CDH19: variants seen among roughly 807,000 people sequenced by gnomAD.
The protein encoded by CDH19 is cadherin-19.
CDH19 carries 67 observed loss-of-function variants against 64.2 expected under a neutral mutation model. The observed-to-expected ratio is 1.04, with a 90% confidence interval of 0.86 to 1.28. The LOEUF (loss-of-function observed/expected upper bound fraction) is 1.28. Among genes scored for constraint, CDH19 ranks in the 50% most tolerant of loss-of-function variants. CDH19 has a pLI of 0.00. For synonymous variants in CDH19, 346 were observed against 319.3 expected (o/e 1.08, Z -0.89); for missense variants, 1,030 against 929.0 (o/e 1.11, Z -1.41).
At chr18:66,578,422 G>A (rs1052412044) in intron 1 of CDH19, among the ~76,000 whole-genome samples, 1 of 151,790 alleles carries the variant, frequency 6.6e-6, no homozygotes, top group Non-Finnish European at 1.5e-5. Context: ...AAACTACAAT[G>A]AGATACCAGT....
intron 9 of CDH19, among the ~76,000 whole-genome samples, chr18:66,520,239 A>G (rs919222063): frequency 1.3e-5 from 2 of 151,938 alleles, no homozygotes; most frequent in African/African-American, 4.8e-5. Flanking sequence ...GACAGTTCCA[A>G]TCGAAAGAGA....
intron 8 of CDH19, among the ~76,000 whole-genome samples, chr18:66,534,076 C>T (rs912009869): frequency 4.0e-5 from 6 of 151,122 alleles, no homozygotes; most frequent in Non-Finnish European, 7.4e-5. Context: ...AAGCTTGTTC[C>T]AACAAGTTTT....
At chr18:66,517,357 C>CA (rs1017681856) in intron 9 of CDH19, among the ~76,000 whole-genome samples, 12 of 149,058 alleles carry the variant, frequency 8.1e-5, no homozygotes, top group East Asian at 5.9e-4. Flanking sequence ...ACTTTACCTC[C>CA]AAAAAAAAAG....
At chr18:66,546,835 G>T (rs2144498443) in intron 5 of CDH19, among the ~76,000 whole-genome samples, 1 of 151,926 alleles carries the variant, frequency 6.6e-6, no homozygotes, top group East Asian at 1.9e-4. Flanking sequence ...GGAGTGTTCT[G>T]GGAAAAGAGA....
chr18:66,544,966 GT>G (rs1355205914), intron 5 of CDH19, 63 bp from the exon 6 acceptor site: 8 of 1,241,018 alleles, frequency 6.4e-6, no homozygotes, highest in Non-Finnish European at 8.8e-6. Flanking sequence ...TGCAATTATA[GT>G]TTTTTGTTTG....
intron 8 of CDH19, among the ~76,000 whole-genome samples, chr18:66,531,413 T>C (rs1298420127): frequency 6.6e-6 from 1 of 152,074 alleles, no homozygotes; most frequent in Non-Finnish European, 1.5e-5. Flanking sequence ...ACTCAGGAGT[T>C]TGAGAGCAGC....
intron 7 of CDH19, among the ~76,000 whole-genome samples, chr18:66,540,073 TTCTCTC>T (rs150057094): frequency 2.0e-5 from 3 of 149,608 alleles, no homozygotes; most frequent in South Asian, 2.1e-4. Context: ...AATTTTTGTC[TTCTCTC>T]TCTCTCTCTC....
intron 3 of CDH19, among the ~76,000 whole-genome samples, chr18:66,560,913 A>C (rs1231585760): frequency 6.6e-6 from 1 of 152,096 alleles, no homozygotes; most frequent in East Asian, 1.9e-4. Context: ...TTATACTGGA[A>C]ATAGGTATTT....
intron 1 of CDH19, among the ~76,000 whole-genome samples, chr18:66,575,453 T>C (rs1988238538): frequency 6.6e-6 from 1 of 151,854 alleles, no homozygotes; most frequent in African/African-American, 2.4e-5. Flanking sequence ...GACTGTGTCC[T>C]TGACTGCAAC....
Position 66,572,009 on chromosome 18 carries a change from C to T in CDH19, c.195+1G>A, listed in dbSNP as rs746989885. 2.2e-5 allele frequency: 36 copies of T among 1,600,336 alleles called. No individual in the cohort carries two copies. The highest frequency in any genetic ancestry group is 3.0e-5 in the Non-Finnish European group (35 of 1,170,258). ...CTGTAACATTTTAAATAAATAAGTA[C>T]CTGGCCGATGTGATGACTAGTCGTA... On this transcript the variant is annotated splice_donor_variant, in intron 2 of 11. Coordinates refer to ENST00000262150, the MANE Select transcript of CDH19 (RefSeq NM_021153.4). LOFTEE classifies it high-confidence loss of function.
intron 1 of CDH19, among the ~76,000 whole-genome samples, chr18:66,583,484 C>A (rs1276138323): frequency 1.3e-5 from 2 of 151,794 alleles, no homozygotes; most frequent in African/African-American, 2.4e-5. Context: ...TGTTCTTATC[C>A]CACCTCCCAC....
chr18:66,599,437 TCAGA>T (rs1226721156), intron 1 of CDH19, among the ~76,000 whole-genome samples: 2 of 152,060 alleles, frequency 1.3e-5, no homozygotes, highest in Admixed American at 1.3e-4. Flanking sequence ...AGGTCAAATC[TCAGA>T]CAGGAGGAGT....
At chr18:66,584,250 C>T (rs1434988740) in intron 1 of CDH19, among the ~76,000 whole-genome samples, 1 of 151,992 alleles carries the variant, frequency 6.6e-6, no homozygotes, top group Non-Finnish European at 1.5e-5. Context: ...TGACAAAAAG[C>T]TCAGTCTCAC....
chr18:66,592,935 T>C, intron 1 of CDH19, among the ~76,000 whole-genome samples: 1 of 151,888 alleles, frequency 6.6e-6, no homozygotes, highest in East Asian at 1.9e-4. Flanking sequence ...CTGAATCATA[T>C]ATTACTTCTA....
chr18:66,530,211 A>G (rs1249489549), intron 8 of CDH19, among the ~76,000 whole-genome samples: 1 of 152,200 alleles, frequency 6.6e-6, no homozygotes, highest in East Asian at 1.9e-4. Context: ...CATGGGCTGT[A>G]ATAAGTGATG....
chr18:66,558,852 T>A (rs1431960349), intron 3 of CDH19, among the ~76,000 whole-genome samples: 1 of 152,074 alleles, frequency 6.6e-6, no homozygotes, highest in East Asian at 1.9e-4. Flanking sequence ...TAAGAACATA[T>A]GTAAGTATTT....
At chr18:66,560,883 C>A (rs1016754355) in intron 3 of CDH19, among the ~76,000 whole-genome samples, 5 of 151,852 alleles carry the variant, frequency 3.3e-5, no homozygotes, top group African/African-American at 1.2e-4. Context: ...ATTGGTGGAT[C>A]AAAAATTAAA....
chr18:66,555,490 C>T (rs1315831462), intron 3 of CDH19, among the ~76,000 whole-genome samples: 1 of 151,564 alleles, frequency 6.6e-6, no homozygotes, highest in Non-Finnish European at 1.5e-5. Context: ...ATTCTTTGCT[C>T]TTTTGTCTTA....
intron 7 of CDH19, among the ~76,000 whole-genome samples, chr18:66,536,540 G>A (rs1281481345): frequency 6.6e-6 from 1 of 151,692 alleles, no homozygotes; most frequent in South Asian, 2.1e-4. Context: ...TTTAAAGTTT[G>A]ACAGGATGTT....
Sources: gnomAD v4.1 joint callset for allele counts (sites outside exome capture counted in the v4.1 genomes callset) on GRCh38, gnomAD v4.1.1 for gene constraint, MANE v1.5 for transcripts, NCBI Gene and HGNC (gene_info 2026-07-23, HGNC 2026-07-21) for gene names.